Variants in TERT observed in about 807,000 individuals in gnomAD.
The protein encoded by TERT is telomerase reverse transcriptase.
In TERT, 42 loss-of-function variants were observed where a neutral mutation model predicts 104.0. The observed-to-expected ratio is 0.40, with a 90% CI of 0.32 to 0.52. The LOEUF (loss-of-function observed/expected upper bound fraction) is 0.52. Ranked by LOEUF, TERT falls within the 20% of genes least tolerant of loss-of-function variation. The pLI is 0.43. For synonymous variants in TERT, 781 were observed against 725.6 expected, an observed-to-expected ratio of 1.08 and a Z score of -1.23; for missense variants, 1,101 against 1,610.3, an observed-to-expected ratio of 0.68 and a Z score of 5.41.
chr5:1,258,859 A>G lies in TERT; in HGVS notation c.2971-200T>C, dbSNP rs35300412. ...CCTGGGCGAGTCAAGACTCTGTGTC[A>G]TCTGCCTGCCCCCGAGGCTCGGCCA... On this transcript the variant is annotated intron_variant, in intron 12 of 15. Coordinates refer to ENST00000310581, the MANE Select transcript of TERT (RefSeq NM_198253.3). Among the ~76,000 whole-genome samples, 844 of 152,386 alleles carry G rather than the reference A, an allele frequency of 5.5e-3. 6 individuals are homozygous for G. The highest frequency in any genetic ancestry group is 0.019 in the African/African-American group (800 of 41,594).
rs886260332 is a variant in TERT, at chr5:1,286,988, C to T, written c.1574-4364G>A. Among the ~76,000 whole-genome samples the T allele has an allele frequency of 6.6e-6, 1 of 152,092 alleles. No homozygotes were observed. The highest frequency in any genetic ancestry group is 2.4e-5 in the African/African-American group (1 of 41,422). ...GGCAACGAGAGGATCAACACACACT[C>T]GGCAGGAAACGCACATGGCAACCCA... On this transcript the variant is annotated intron_variant, in intron 2 of 15. Transcript: ENST00000310581. The surrounding 1 kb of genome is among the most constrained non-coding windows in gnomAD (Gnocchi z 5.3).
Position 1,294,478 on chromosome 5 carries a change from C to T in TERT, c.408G>A (p.Ala136=), listed in dbSNP as rs766794006. The T allele has an allele frequency of 1.9e-6, 3 of 1,589,768 alleles. No individual in the cohort carries two copies. The highest frequency in any genetic ancestry group is 8.5e-7 in the Non-Finnish European group (1 of 1,175,952). Residue 136 remains alanine, a synonymous_variant, in exon 2 of 16, where the codon GCG becomes GCA. Coordinates refer to ENST00000310581, the MANE Select transcript of TERT (RefSeq NM_198253.3). ...CCACGCGGCGCAGCAGCAGCCCCCA[C>T]GCCCCGCTCCCCCGCAGTGCGTCGG... ...TVTDALRGSG[A]WGLLLRRVGD...
rs758894358 is a variant in TERT at position 1,270,228 on chromosome 5, C to T, written c.2468+891G>A. ...TAATAAATATTATAATTGCTGATAC[C>T]ATTAGTGATTACTTATAATGCAATA... On this transcript the variant is annotated intron_variant, in intron 8 of 15. Coordinates refer to ENST00000310581, the MANE Select transcript of TERT (RefSeq NM_198253.3). This position sits in a 1 kb window ranked among gnomAD's most constrained non-coding sequence, Gnocchi z 8.3. 6.6e-6 allele frequency among the ~76,000 whole-genome samples: 1 copy of T among 152,102 alleles called. No individual in the cohort carries two copies. The highest frequency in any genetic ancestry group is 1.5e-5 in the Non-Finnish European group (1 of 68,022).
chr5:1,293,339 T>C lies in TERT; in HGVS notation c.1547A>G (p.Asp516Gly), dbSNP rs113065975. Residue 516 changes from aspartate to glycine, a missense_variant, in exon 2 of 16, where the codon GAC (aspartate) becomes GGC (glycine). Asp to Gly is a moderately conservative substitution (Grantham distance 94). Coordinates refer to ENST00000310581, the MANE Select transcript of TERT (RefSeq NM_198253.3). ...QELTWKMSVRDCAWLRRSPGV... is the reference protein window; with the variant it reads ...QELTWKMSVRGCAWLRRSPGV... Reference sequence around the variant, plus strand: ...TGGGCTCCTGCGCAGCCAAGCGCAGTCCCGCACGCTCATCTTCCACGTCAG... The same window carrying C: ...TGGGCTCCTGCGCAGCCAAGCGCAGCCCCGCACGCTCATCTTCCACGTCAG... 41 of 1,613,064 alleles carry C rather than the reference T, an allele frequency of 2.5e-5. No homozygotes were observed. The South Asian group carries it at 4.5e-4, about 18-fold the overall frequency.
chr5:1,266,393 G>A (rs1266150378), intron 10 of TERT, 71 bp downstream of exon 10: 15 of 1,327,190 alleles, frequency 1.1e-5, no homozygotes, highest in Non-Finnish European at 1.5e-5. Context: ...GCCAGGGGCA[G>A]GACACGGGGG....
Position 1,253,453 on chromosome 5 carries a change from A to G in TERT, c.*275T>C, listed in dbSNP as rs1747472586. The G allele has an allele frequency of 8.8e-6, 5 of 565,474 alleles. No homozygotes were observed. The Admixed American group carries it at 1.5e-4, about 17-fold the overall frequency. 35.0% of individuals were successfully genotyped at this position (565,474 alleles called of 1,614,324 possible). A position where few individuals can be genotyped will look rare whatever the true frequency, so the allele number is the denominator to read the frequency against. On this transcript the variant is annotated 3_prime_UTR_variant, in exon 16 of 16. Transcript: ENST00000310581. ...GGAAGCCGGGCTCCTGGTGAGGAAA[A>G]GCTGGCCCTGGGGTGGAGCCGAGCG...
At position 1,254,474 on chromosome 5, in the gene TERT, G is replaced by T. The variant is rs1330114272; in HGVS notation, c.3189C>A (p.Gly1063=). The T allele has an allele frequency of 4.3e-6, 7 of 1,612,790 alleles. No homozygotes were observed. Among genetic ancestry groups the T allele is most frequent in the Non-Finnish European group, 5.9e-6 (7 of 1,179,892 alleles). The change falls in exon 15 of 16, where the codon GGC becomes GGA. Residue 1063 remains glycine, a synonymous_variant. Coordinates refer to ENST00000310581, the MANE Select transcript of TERT (RefSeq NM_198253.3). ...ACTGCACGGCCTCGGAGGGCAGAGG[G>T]CCGGCGGCGCCCTTGGCCCCCAGCG... ...GMSLGAKGAA[G]PLPSEAVQWL...
At chr5:1,289,842 T>C (rs1211411294) in intron 2 of TERT, among the ~76,000 whole-genome samples, 13 of 70,496 alleles carry the variant, frequency 1.8e-4, no homozygotes, top group East Asian at 6.2e-4. Flanking sequence ...CCGGGGACAG[T>C]GCCTCACTCA....
In TERT at chr5:1,276,908, T is replaced by C. The variant is rs570359429; in HGVS notation, c.2286+1733A>G. On this transcript the variant is annotated intron_variant, in intron 6 of 15. Transcript: ENST00000310581. ...TACAATCTTCCAGTCCTCAAAAGGC[T>C]TGACTTGAGAGCACAAAAGCAAGAC... 4.6e-5 allele frequency among the ~76,000 whole-genome samples: 7 copies of C among 152,368 alleles called. No individual in the cohort carries two copies. In the East Asian group the frequency reaches 1.3e-3, roughly 29 times the overall value.
rs1750477239 is a variant in TERT, at chr5:1,286,252, G to A, written c.1574-3628C>T. 6.6e-6 allele frequency among the ~76,000 whole-genome samples: 1 copy of A among 152,186 alleles called. No homozygotes were observed. Among genetic ancestry groups the A allele is most frequent in the African/African-American group, 2.4e-5 (1 of 41,426 alleles). On this transcript the variant is annotated intron_variant, in intron 2 of 15. Transcript: ENST00000310581. This position sits in a 1 kb window ranked among gnomAD's most constrained non-coding sequence, Gnocchi z 5.3. Reference sequence around the variant, plus strand: ...GTCCCCGGACGTCGCTAGATGCCATGGAGGCCAGCACAGGTAAAGCTGGGG... The same window carrying A: ...GTCCCCGGACGTCGCTAGATGCCATAGAGGCCAGCACAGGTAAAGCTGGGG...
rs911912730 is a variant in TERT at position 1,280,338 on chromosome 5, T to C, written c.1770A>G (p.Arg590=). 6.2e-7 allele frequency: 1 copy of C among 1,612,840 alleles called. No individual in the cohort carries two copies. Among genetic ancestry groups the C allele is most frequent in the Non-Finnish European group, 8.5e-7 (1 of 1,179,998 alleles). The change falls in exon 4 of 16, where the codon AGA becomes AGG. Residue 590 remains arginine, a splice_region_variant and synonymous_variant. Transcript: ENST00000310581. ...GCAGCTGCACCCTCTTCAAGTGCTG[T>C]CTGCAATAGAGAGCCCCTCAGGAGG... The part of the protein sequence containing the change: ...VWSKLQSIGI[R]QHLKRVQLRE...
rs201088708 is a variant in TERT, at chr5:1,279,468, G to T, written c.1953C>A (p.Ala651=). 2 of 1,548,818 alleles carry T rather than the reference G, an allele frequency of 1.3e-6. No homozygotes were observed. The highest frequency in any genetic ancestry group is 2.4e-5 in the East Asian group (1 of 40,994). The change falls in exon 5 of 16, where the codon GCC becomes GCA. Residue 651 remains alanine (A), a splice_region_variant and synonymous_variant. Coordinates refer to ENST00000310581, the MANE Select transcript of TERT (RefSeq NM_198253.3). ...CCTTCACCCTCGAGGTGAGACGCTCGGCCTGGCGGGGACAGCATGGGAGAC... is the reference window on the plus strand; with the variant it reads ...CCTTCACCCTCGAGGTGAGACGCTCTGCCTGGCGGGGACAGCATGGGAGAC... ...GARTFRREKR[A]ERLTSRVKAL... is the part of the protein sequence containing the mutation.
At position 1,272,254 on chromosome 5, in the gene TERT, C is replaced by A; in HGVS notation, c.2313G>T (p.Pro771=). The change falls in exon 7 of 16, where the codon CCG becomes CCT. Residue 771 remains proline, a synonymous_variant. Coordinates refer to ENST00000310581, the MANE Select transcript of TERT (RefSeq NM_198253.3). ...GGTGAGCCACGAACTGTCGCATGTA[C>A]GGCTGGAGGTCTGTCAAGGTAGAGA... ...SHVSTLTDLQ[P]YMRQFVAHLQ... 6.2e-7 allele frequency: 1 copy of A among 1,612,524 alleles called. No homozygotes were observed. The highest frequency in any genetic ancestry group is 1.7e-5 in the Admixed American group (1 of 59,988).
chr5:1,258,944 C>T (rs1448802872), intron 12 of TERT, among the ~76,000 whole-genome samples: 9 of 147,240 alleles, frequency 6.1e-5, no homozygotes, highest in Admixed American at 5.4e-4. Context: ...GGGAGGTGGA[C>T]GCAGATGCCC....
chr5:1,272,267 G>C lies in TERT; in HGVS notation c.2300C>G (p.Thr767Arg). 1 of 1,611,788 alleles carries C rather than the reference G, an allele frequency of 6.2e-7. No homozygotes were observed. Among genetic ancestry groups the C allele is most frequent in the East Asian group, 2.2e-5 (1 of 44,800 alleles). The change falls in exon 7 of 16, where the codon ACA becomes AGA. Residue 767 changes from threonine (T) to arginine (R), a missense_variant. Physicochemically the swap from Thr to Arg is moderately conservative, Grantham distance 71 (BLOSUM62 -1). Around this residue, in one of 5 missense-constraint regions of TERT, gnomAD observed 463 missense variants for 797.5 expected, o/e 0.58. Coordinates refer to ENST00000310581, the MANE Select transcript of TERT (RefSeq NM_198253.3). Reference sequence around the variant, plus strand: ...CTGTCGCATGTACGGCTGGAGGTCTGTCAAGGTAGAGACCTGCCGGCAGAG... The same window carrying C: ...CTGTCGCATGTACGGCTGGAGGTCTCTCAAGGTAGAGACCTGCCGGCAGAG... Reference protein sequence around the residue: ...KAFKSHVSTLTDLQPYMRQFV... With the variant: ...KAFKSHVSTLRDLQPYMRQFV...
At chr5:1,260,847 G>A (rs1053699258) in intron 11 of TERT, among the ~76,000 whole-genome samples, 3 of 152,128 alleles carry the variant, frequency 2.0e-5, no homozygotes, top group African/African-American at 4.8e-5. Flanking sequence ...AACCTCGCAC[G>A]GCCGTGTTTG....
Position 1,265,355 on chromosome 5 carries a change from C to A in TERT, c.2655-763G>T, listed in dbSNP as rs1264767110. Among the ~76,000 whole-genome samples, 2 of 152,194 alleles carry A rather than the reference C, an allele frequency of 1.3e-5. No individual in the cohort carries two copies. The highest frequency in any genetic ancestry group is 4.8e-5 in the African/African-American group (2 of 41,434). ...GCATTCCCAGCTCCCTGTGGCCACCCCTTCCTGTTACATGGCTGCCGACTC... is the reference window on the plus strand; with the variant it reads ...GCATTCCCAGCTCCCTGTGGCCACCACTTCCTGTTACATGGCTGCCGACTC... On this transcript the variant is annotated intron_variant, in intron 10 of 15. Transcript: ENST00000310581. This position sits in a 1 kb window ranked among gnomAD's most constrained non-coding sequence, Gnocchi z 6.9.
chr5:1,258,739 T>C, intron 12 of TERT, 80 bp from the exon 13 acceptor site: 1 of 1,164,048 alleles, frequency 8.6e-7, no homozygotes, highest in Non-Finnish European at 1.3e-6. Flanking sequence ...TTATCATCCA[T>C]TCAGATGGAA....
At position 1,274,820 on chromosome 5, in the gene TERT, A is replaced by C. The variant is rs543280961; in HGVS notation, c.2287-2540T>G. Among the ~76,000 whole-genome samples, 24 of 152,370 alleles carry C rather than the reference A, an allele frequency of 1.6e-4. No homozygotes were observed. Among genetic ancestry groups the C allele is most frequent in the African/African-American group, 5.5e-4 (23 of 41,590 alleles). ...ATGCTTGTTTAGAAAAGAAAGTTCA[A>C]ACATCCATAATCGAAACTTTTCCTT... is the stretch of plus-strand genomic sequence containing the variant. On this transcript the variant is annotated intron_variant, in intron 6 of 15. Transcript: ENST00000310581. This position sits in a 1 kb window ranked among gnomAD's most constrained non-coding sequence, Gnocchi z 5.3.
Sources: gnomAD v4.1 joint callset for allele counts (sites outside exome capture counted in the v4.1 genomes callset) on GRCh38, gnomAD v4.1.1 for gene constraint, gnomAD v4.1.1 regional missense constraint, Gnocchi (gnomAD v3.1) non-coding constraint, MANE v1.5 for transcripts, NCBI Gene and HGNC (gene_info 2026-07-23, HGNC 2026-07-21) for gene names.